Variants in CLEC2D observed in about 807,000 individuals in gnomAD.
CLEC2D encodes C-type lectin domain family 2 member D.
A neutral mutation model predicts 20.0 loss-of-function variants in CLEC2D; 16 were observed. That is an observed-to-expected ratio of 0.80 (90% confidence interval 0.54 to 1.22). CLEC2D has a LOEUF of 1.22. CLEC2D is among the 50% of genes most tolerant of loss of function. The probability of loss-of-function intolerance (pLI) is 0.00; values close to 1 mark genes in which losing one functional copy is unlikely to be tolerated. For missense variants in CLEC2D, 207 were observed against 221.5 expected, an observed-to-expected ratio of 0.93 and a Z score of 0.42; for synonymous variants, 77 against 71.1, an observed-to-expected ratio of 1.08 and a Z score of -0.42.
intron 3 of CLEC2D, among the ~76,000 whole-genome samples, chr12:9,692,174 T>A (rs1358090960): frequency 1.3e-5 from 2 of 152,118 alleles, no homozygotes; most frequent in Admixed American, 6.6e-5. Context: ...CTCACTCTAT[T>A]GCCCAGGCTG....
chr12:9,669,795 G>A lies in CLEC2D; in HGVS notation c.61G>A (p.Gly21Ser), dbSNP rs760957411. 112 of 1,611,020 alleles carry A rather than the reference G, an allele frequency of 7.0e-5. No individual in the cohort carries two copies. The highest frequency in any genetic ancestry group is 9.2e-5 in the Non-Finnish European group (108 of 1,177,420). Residue 21 changes from glycine to serine, a missense_variant and splice_region_variant, in exon 1 of 5, where the codon GGT becomes AGT. By Grantham distance (56) the Gly-to-Ser change is moderately conservative. Transcript: ENST00000290855. ...ITPSELPANP[G>S]CLHSKEHSIK... Reference sequence around the variant, plus strand: ...ACCATCTGAATTGCCTGCAAACCCAGGTAAGAAGCTGGGCTCTACAGAGTA... The same window carrying A: ...ACCATCTGAATTGCCTGCAAACCCAAGTAAGAAGCTGGGCTCTACAGAGTA...
intron 3 of CLEC2D, 92 bp downstream of exon 3, chr12:9,688,178 G>T: frequency 2.7e-6 from 3 of 1,130,566 alleles, no homozygotes; most frequent in South Asian, 3.0e-5. Context: ...TTAGACATCT[G>T]CTTTTACATT....
intron 3 of CLEC2D, among the ~76,000 whole-genome samples, chr12:9,690,781 A>G (rs762861727): frequency 6.6e-6 from 1 of 152,064 alleles, no homozygotes; most frequent in Non-Finnish European, 1.5e-5. Context: ...AAAAAGAAAA[A>G]CAATACACTA....
chr12:9,677,667 A>G (rs1454524900), intron 1 of CLEC2D, among the ~76,000 whole-genome samples: 2 of 138,326 alleles, frequency 1.4e-5, no homozygotes, highest in East Asian at 2.1e-4. Flanking sequence ...CCTAAGTTCT[A>G]CTGATTTTCT....
intron 4 of CLEC2D, among the ~76,000 whole-genome samples, chr12:9,694,112 C>T (rs920721902): frequency 5.9e-5 from 9 of 151,666 alleles, no homozygotes; most frequent in African/African-American, 2.2e-4. Flanking sequence ...CCATGCCTGG[C>T]CTCTCAAAAT....
chr12:9,681,951 GGAAA>G (rs1191602066), intron 2 of CLEC2D, among the ~76,000 whole-genome samples: 1 of 152,126 alleles, frequency 6.6e-6, no homozygotes, highest in African/African-American at 2.4e-5. Context: ...AGAAAAAATT[GGAAA>G]GAGACAATTT....
In CLEC2D at chr12:9,698,559, G is replaced by T. The variant is rs370183437; in HGVS notation, c.*3685G>T. The T allele has an allele frequency of 1.3e-5, 2 of 152,174 alleles. No individual in the cohort carries two copies. The highest frequency in any genetic ancestry group is 1.9e-4 in the East Asian group (1 of 5,174). The allele number at this position is 152,174 out of a possible 1,614,324, so 9.4% of individuals were successfully genotyped here. On this transcript the variant is annotated 3_prime_UTR_variant, in exon 5 of 5. Coordinates refer to ENST00000290855, the MANE Select transcript of CLEC2D (RefSeq NM_013269.6). ...GACTTAAACTGTAAAACTACTAAAA[G>T]AAAATATAGGGAGAAAGCTTCACAA...
chr12:9,678,358 T>C (rs1865567209), intron 1 of CLEC2D, among the ~76,000 whole-genome samples: 1 of 152,174 alleles, frequency 6.6e-6, no homozygotes, highest in African/African-American at 2.4e-5. Context: ...ACTTTTAATT[T>C]GTGTGTCTTT....
At chr12:9,692,805 A>G in intron 3 of CLEC2D, 23 bp from the exon 4 acceptor site, 2 of 1,515,666 alleles carry the variant, frequency 1.3e-6, no homozygotes, top group Non-Finnish European at 1.8e-6. Flanking sequence ...ATTAATGAAT[A>G]TCATCTCTGT....
chr12:9,697,311 T>A lies in CLEC2D; in HGVS notation c.*2437T>A, dbSNP rs1378540679. On this transcript the variant is annotated 3_prime_UTR_variant, in exon 5 of 5. Transcript: ENST00000290855. The stretch of plus-strand genomic sequence containing the variant: ...AAGCTACAAACAATAGCATGAGCGA[T>A]CTGTGCCTTAAGGACATGTTCCTGC... The A allele has an allele frequency of 6.6e-6, 1 of 152,232 alleles. No homozygotes were observed. The highest frequency in any genetic ancestry group is 1.5e-5 in the Non-Finnish European group (1 of 68,038). 9.4% of individuals were successfully genotyped at this position (152,232 alleles called of 1,614,324 possible). A position where few individuals can be genotyped will look rare whatever the true frequency, so the allele number is the denominator to read the frequency against.
rs751427457 is a variant in CLEC2D at position 9,681,008 on chromosome 12, G to T, written c.147G>T (p.Val49=). ...FFLIMFLTII[V]CGMVAALSAI... is the part of the protein sequence containing the mutation. ...TAATCATGTTTCTGACAATCATAGT[G>T]TGTGGAATGGTTGCTGCTTTAAGCG... The change falls in exon 2 of 5, where the codon GTG becomes GTT. Residue 49 remains valine (V), a synonymous_variant. Coordinates refer to ENST00000290855, the MANE Select transcript of CLEC2D (RefSeq NM_013269.6). The T allele has an allele frequency of 6.3e-7, 1 of 1,590,836 alleles. No homozygotes were observed. The highest frequency in any genetic ancestry group is 1.7e-5 in the Admixed American group (1 of 59,930).
Position 9,694,826 on chromosome 12 carries a change from C to T in CLEC2D, c.528C>T (p.His176=), listed in dbSNP as rs1450355741. 6.2e-7 allele frequency: 1 copy of T among 1,612,328 alleles called. No individual in the cohort carries two copies. The highest frequency in any genetic ancestry group is 1.7e-5 in the Admixed American group (1 of 59,958). ...LNDKGASSAR[H]YTERKWICSK... ...ACAAAGGTGCCAGTAGTGCCAGGCA[C>T]TACACAGAGAGGAAGTGGATTTGTT... Residue 176 remains histidine, a synonymous_variant, in exon 5 of 5, where the codon CAC becomes CAT. Coordinates refer to ENST00000290855, the MANE Select transcript of CLEC2D (RefSeq NM_013269.6).
At chr12:9,687,796 T>C (rs1323712181) in intron 2 of CLEC2D, 106 bp from the exon 3 acceptor site, 1 of 610,310 alleles carries the variant, frequency 1.6e-6, no homozygotes, top group Non-Finnish European at 2.5e-6. Context: ...ATAATACATT[T>C]AATACTTAAC....
intron 4 of CLEC2D, chr12:9,693,935 A>G (rs767910765): frequency 3.7e-5 from 12 of 323,148 alleles, no homozygotes; most frequent in South Asian, 2.8e-4. Context: ...CCTCCTGAGT[A>G]GCTGGGACTA....
chr12:9,692,851 C>G lies in CLEC2D; in HGVS notation c.381C>G (p.Gly127=). Residue 127 remains glycine (G), a synonymous_variant, in exon 4 of 5, where the codon GGC becomes GGG. Coordinates refer to ENST00000290855, the MANE Select transcript of CLEC2D (RefSeq NM_013269.6). ...AGAATTTCCTGTTGAGATATAAAGG[C>G]CCATCTGATCACTGGATTGGGCTGA... The part of the protein sequence containing the change: ...QELNFLLRYK[G]PSDHWIGLSR... 1 of 1,612,198 alleles carries G rather than the reference C, an allele frequency of 6.2e-7. No individual in the cohort carries two copies. The highest frequency in any genetic ancestry group is 1.1e-5 in the South Asian group (1 of 90,838).
At position 9,695,843 on chromosome 12, in the gene CLEC2D, T is replaced by TTGCTGCTGC. The variant is rs71045288; in HGVS notation, c.*975_*983dup. 4.8e-5 allele frequency: 42 copies of TTGCTGCTGC among 873,542 alleles called. No individual in the cohort carries two copies. Among genetic ancestry groups the TTGCTGCTGC allele is most frequent in the Middle Eastern group, 6.8e-4 (2 of 2,922 alleles). The allele number at this position is 873,542 out of a possible 1,614,324, so 54.1% of individuals were successfully genotyped here. A position where few individuals can be genotyped will look rare whatever the true frequency, so the allele number is the denominator to read the frequency against. On this transcript the variant is annotated 3_prime_UTR_variant, in exon 5 of 5. Coordinates refer to ENST00000290855, the MANE Select transcript of CLEC2D (RefSeq NM_013269.6). ...GGAGGTGGGCAGAAAAAAGTAAAAC[T>TTGCTGCTGC]TGCTGCTGCTGCTGATGATGATGAT...
chr12:9,682,880 A>G (rs966413636), intron 2 of CLEC2D, among the ~76,000 whole-genome samples: 2 of 152,150 alleles, frequency 1.3e-5, no homozygotes, highest in African/African-American at 4.8e-5. Flanking sequence ...TTGGGTATAG[A>G]CCCAGTATTT....
At chr12:9,681,581 G>T (rs1865636194) in intron 2 of CLEC2D, among the ~76,000 whole-genome samples, 1 of 149,876 alleles carries the variant, frequency 6.7e-6, no homozygotes, top group Admixed American at 6.7e-5. Context: ...AAATTATCTT[G>T]TACTTCAAAA....
chr12:9,676,238 A>G (rs1486335857), intron 1 of CLEC2D, among the ~76,000 whole-genome samples: 1 of 152,152 alleles, frequency 6.6e-6, no homozygotes, highest in Non-Finnish European at 1.5e-5. Context: ...TTAGTGGGAA[A>G]ACTTCAAGTT....
Sources: gnomAD v4.1 joint callset for allele counts (sites outside exome capture counted in the v4.1 genomes callset) on GRCh38, gnomAD v4.1.1 for gene constraint, MANE v1.5 for transcripts, NCBI Gene and HGNC (gene_info 2026-07-23, HGNC 2026-07-21) for gene names.